Variants in GTF3C1 observed in about 807,000 individuals in gnomAD.
GTF3C1 encodes the protein general transcription factor IIIC subunit 1, also known as general transcription factor 3C polypeptide 1.
Under a neutral mutation model 226.7 loss-of-function variants are expected in GTF3C1, and 57 were observed. The observed-to-expected ratio is 0.25, with a 90% confidence interval of 0.20 to 0.31. The LOEUF (loss-of-function observed/expected upper bound fraction) is 0.31, where lower values mean the gene tolerates loss of function less well. Among genes scored for constraint, GTF3C1 ranks in the 10% least tolerant of loss-of-function variants. GTF3C1 has a pLI of 1.00. For missense variants in GTF3C1, 2,217 were observed against 2,776.1 expected, an observed-to-expected ratio of 0.80 and a Z score of 4.53; for synonymous variants, 1,090 against 1,084.8, an observed-to-expected ratio of 1.00 and a Z score of -0.09.
rs2087760654 is a variant in GTF3C1, at chr16:27,464,839, G to T, written c.5356-3C>A. The T allele has an allele frequency of 6.7e-7, 1 of 1,502,774 alleles. No homozygotes were observed. Among genetic ancestry groups the T allele is most frequent in the African/African-American group, 1.4e-5 (1 of 71,532 alleles). 93.1% of individuals were successfully genotyped at this position (1,502,774 alleles called of 1,614,324 possible). A position where few individuals can be genotyped will look rare whatever the true frequency, so the allele number is the denominator to read the frequency against. ...ACCTGATGCTGCTCCAGGAGGGCCT[G>T]GGGAGGCAGGAGACACGCGGGGTCT... On this transcript the variant is annotated splice_region_variant and splice_polypyrimidine_tract_variant and intron_variant, in intron 33 of 36. Coordinates refer to ENST00000356183, the MANE Select transcript of GTF3C1 (RefSeq NM_001520.4).
In GTF3C1 at chr16:27,462,702, C is replaced by A. The variant is rs951951815; in HGVS notation, c.5925-216G>T. 3 of 553,210 alleles carry A rather than the reference C, an allele frequency of 5.4e-6. No individual in the cohort carries two copies. Among genetic ancestry groups the A allele is most frequent in the Non-Finnish European group, 9.8e-6 (3 of 307,644 alleles). 34.3% of individuals were successfully genotyped at this position (553,210 alleles called of 1,614,324 possible). On this transcript the variant is annotated intron_variant, in intron 35 of 36. Transcript: ENST00000356183. The surrounding 1 kb of genome is among the most constrained non-coding windows in gnomAD (Gnocchi z 4.5). The stretch of plus-strand genomic sequence containing the variant: ...CTGGGTGGAACCAGGACGTGGTGTC[C>A]GCTCTGATGTAGCTGTAACTGAGGC...
At chr16:27,518,025 C>T (rs1011228877) in intron 6 of GTF3C1, among the ~76,000 whole-genome samples, 7 of 152,154 alleles carry the variant, frequency 4.6e-5, no homozygotes, top group Non-Finnish European at 8.8e-5. Context: ...GGCAAAATGG[C>T]GCTCTCAACT....
At chr16:27,506,530 A>C (rs889889936) in intron 9 of GTF3C1, among the ~76,000 whole-genome samples, 5 of 152,242 alleles carry the variant, frequency 3.3e-5, no homozygotes, top group Non-Finnish European at 5.9e-5. Context: ...GTTTTCTATA[A>C]CTAAACTAAA....
chr16:27,476,062 G>A (rs2087945908), intron 29 of GTF3C1, among the ~76,000 whole-genome samples: 1 of 152,184 alleles, frequency 6.6e-6, no homozygotes, highest in Non-Finnish European at 1.5e-5. Context: ...GCTAAGCCCT[G>A]GAGGCTCACA....
intron 2 of GTF3C1, among the ~76,000 whole-genome samples, chr16:27,539,947 C>G (rs1358264845): frequency 6.6e-6 from 1 of 152,112 alleles, no homozygotes; most frequent in Non-Finnish European, 1.5e-5. Context: ...TAGAGGACCC[C>G]CCTTTCCCAG....
chr16:27,480,753 G>A (rs1221379267), intron 27 of GTF3C1: 11 of 283,040 alleles, frequency 3.9e-5, no homozygotes, highest in Non-Finnish European at 6.7e-5. Flanking sequence ...CCTGGCCCTG[G>A]TACTTACAAG....
intron 19 of GTF3C1, among the ~76,000 whole-genome samples, chr16:27,491,446 G>A (rs902596364): frequency 1.2e-4 from 18 of 152,160 alleles, no homozygotes; most frequent in Admixed American, 2.0e-4. Flanking sequence ...GACACTTTGC[G>A]ACACATCATG....
At chr16:27,546,316 T>C (rs930875245) in intron 1 of GTF3C1, among the ~76,000 whole-genome samples, 15 of 152,128 alleles carry the variant, frequency 9.9e-5, no homozygotes, top group Admixed American at 7.2e-4. Context: ...ACTTGTCTAT[T>C]AAATGCCTCC....
At position 27,464,412 on chromosome 16, in the gene GTF3C1, T is replaced by C. The variant is rs1235929468; in HGVS notation, c.5780A>G (p.Glu1927Gly). ...EDTAAAGAAQ[E>G]DQEGVGEFSS... ...GAACTCACCGACACCCTCTTGGTCT[T>C]CCTGTGCTGCTCCCGCTGCAGCGGT... Residue 1927 changes from glutamate (E) to glycine (G), a missense_variant, in exon 34 of 37, where the codon GAA becomes GGA. Glu to Gly is a moderately conservative substitution (Grantham distance 98, BLOSUM62 -2). Transcript: ENST00000356183. 3 of 1,603,330 alleles carry C rather than the reference T, an allele frequency of 1.9e-6. No individual in the cohort carries two copies. In the African/African-American group the frequency reaches 4.0e-5, roughly 22 times the overall value.
intron 26 of GTF3C1, chr16:27,482,409 C>T: frequency 2.2e-6 from 1 of 448,044 alleles, no homozygotes; most frequent in Non-Finnish European, 4.5e-6. Context: ...AAAAGCATTG[C>T]TGAGCCTCCT....
chr16:27,502,207 C>T (rs906608593), intron 11 of GTF3C1, among the ~76,000 whole-genome samples: 1 of 152,122 alleles, frequency 6.6e-6, no homozygotes, highest in African/African-American at 2.4e-5. Context: ...TGCAGATGGT[C>T]CCTACCCCCT....
In GTF3C1 at chr16:27,485,989, G is replaced by T; in HGVS notation, c.3858+8C>A. 1 of 1,593,210 alleles carries T rather than the reference G, an allele frequency of 6.3e-7. No individual in the cohort carries two copies. The highest frequency in any genetic ancestry group is 8.6e-7 in the Non-Finnish European group (1 of 1,166,210). On this transcript the variant is annotated splice_region_variant and intron_variant, in intron 24 of 36. Coordinates refer to ENST00000356183, the MANE Select transcript of GTF3C1 (RefSeq NM_001520.4). ...GCAGGCCCACCGCTGGGCTGGGCTG[G>T]TTGGTACCTTGGTGTTGAGGACATT...
intron 9 of GTF3C1, among the ~76,000 whole-genome samples, 184 bp downstream of exon 9, chr16:27,506,663 C>T (rs2088489514): frequency 6.6e-6 from 1 of 152,146 alleles, no homozygotes; most frequent in South Asian, 2.1e-4. Context: ...TGCAAGCAGC[C>T]AGGAGATACC....
Position 27,465,245 on chromosome 16 carries a change from T to G in GTF3C1, c.5355+15A>C. 6.2e-7 allele frequency: 1 copy of G among 1,613,232 alleles called. No individual in the cohort carries two copies. Among genetic ancestry groups the G allele is most frequent in the Non-Finnish European group, 8.5e-7 (1 of 1,179,272 alleles). ...CCGCTTCGGTGATATCCGGCTAACC[T>G]AAAGCACAGCTCACCTGGATGCAAT... On this transcript the variant is annotated intron_variant, in intron 33 of 36. Coordinates refer to ENST00000356183, the MANE Select transcript of GTF3C1 (RefSeq NM_001520.4).
In GTF3C1 at chr16:27,501,262, G is replaced by A. The variant is rs772016523; in HGVS notation, c.1990C>T (p.Arg664Trp). Reference sequence around the variant, plus strand: ...AAGAGACCTTCCTCAGACAGGTTCCGCACCAAGCGGACAATGGACTTCTTG... The same window carrying A: ...AAGAGACCTTCCTCAGACAGGTTCCACACCAAGCGGACAATGGACTTCTTG... ...CCKKSIVRLVRNLSEEGLLRL... is the reference protein window; with the variant it reads ...CCKKSIVRLVWNLSEEGLLRL... The change falls in exon 12 of 37, where the codon CGG becomes TGG. Residue 664 changes from arginine to tryptophan, a missense_variant. Physicochemically the swap from Arg to Trp is moderately radical, Grantham distance 101. Coordinates refer to ENST00000356183, the MANE Select transcript of GTF3C1 (RefSeq NM_001520.4). 12 of 1,613,804 alleles carry A rather than the reference G, an allele frequency of 7.4e-6. No individual in the cohort carries two copies. Among genetic ancestry groups the A allele is most frequent in the Non-Finnish European group, 1.0e-5 (12 of 1,179,682 alleles).
At chr16:27,508,686 C>A (rs371121647) in intron 7 of GTF3C1, 31 bp from the exon 8 acceptor site, 25 of 1,511,898 alleles carry the variant, frequency 1.7e-5, no homozygotes, top group Middle Eastern at 1.7e-4. Context: ...GAACCCAAAC[C>A]GCTGCAAAGG....
In GTF3C1 at chr16:27,462,736, G is replaced by GC. The variant is rs2087724802; in HGVS notation, c.5925-251dup. The GC allele has an allele frequency of 6.3e-6, 3 of 479,668 alleles. No homozygotes were observed. The South Asian group carries it at 1.0e-4, about 16-fold the overall frequency. The allele number at this position is 479,668 out of a possible 1,614,324, so 29.7% of individuals were successfully genotyped here. A position where few individuals can be genotyped will look rare whatever the true frequency, so the allele number is the denominator to read the frequency against. On this transcript the variant is annotated intron_variant, in intron 35 of 36. Coordinates refer to ENST00000356183, the MANE Select transcript of GTF3C1 (RefSeq NM_001520.4). This position sits in a 1 kb window ranked among gnomAD's most constrained non-coding sequence, Gnocchi z 4.5. ...GTAGCTGTAACTGAGGCCTCAGTGG[G>GC]CCCACCCACATTGGCAGGAGAGGGA...
At chr16:27,487,504 G>A (rs1215156954) in intron 23 of GTF3C1, among the ~76,000 whole-genome samples, 1 of 152,232 alleles carries the variant, frequency 6.6e-6, no homozygotes, top group Non-Finnish European at 1.5e-5. Flanking sequence ...ATCAGAAGGT[G>A]CTGCAGGCTT....
At chr16:27,502,571 C>T (rs186999068) in intron 11 of GTF3C1, among the ~76,000 whole-genome samples, 3 of 152,288 alleles carry the variant, frequency 2.0e-5, no homozygotes, top group East Asian at 1.9e-4. Context: ...AAAAGCTGAA[C>T]GCACTTTCCC....
Sources: gnomAD v4.1 joint callset for allele counts (sites outside exome capture counted in the v4.1 genomes callset) on GRCh38, gnomAD v4.1.1 for gene constraint, Gnocchi (gnomAD v3.1) non-coding constraint, MANE v1.5 for transcripts, NCBI Gene and HGNC (gene_info 2026-07-23, HGNC 2026-07-21) for gene names.